Variants in ADCY1 observed in about 807,000 individuals in gnomAD.
The protein encoded by ADCY1 is adenylate cyclase 1.
Under a neutral mutation model 105.4 loss-of-function variants are expected in ADCY1, and 28 were observed. The observed-to-expected ratio is 0.27, with a 90% confidence interval of 0.20 to 0.36. The LOEUF (loss-of-function observed/expected upper bound fraction) is 0.36. Among genes scored for constraint, ADCY1 ranks in the 10% least tolerant of loss-of-function variants. ADCY1 has a pLI of 1.00. For missense variants in ADCY1, 977 were observed against 1,434.2 expected (o/e 0.68, Z 5.15); for synonymous variants, 655 against 623.8 (o/e 1.05, Z -0.75).
rs989322875 is a variant in ADCY1, at chr7:45,677,850, A to T, written c.1606-19A>T. On this transcript the variant is annotated intron_variant, in intron 8 of 19. Coordinates refer to ENST00000297323, the MANE Select transcript of ADCY1 (RefSeq NM_021116.4). ...GTGGAGAATTTGATGATACTCCTTT[A>T]TTTCCATGATGGCTCCAGCGGAGGG... The T allele has an allele frequency of 8.1e-6, 13 of 1,608,438 alleles. 1 individual carries two copies. The East Asian group carries it at 2.9e-4, about 36-fold the overall frequency.
chr7:45,599,575 G>A (rs1445145979), intron 2 of ADCY1, among the ~76,000 whole-genome samples: 3 of 151,392 alleles, frequency 2.0e-5, no homozygotes, highest in African/African-American at 7.3e-5. Flanking sequence ...GAGGCTCTGC[G>A]GCATGTCCTC....
At position 45,713,941 on chromosome 7, in the gene ADCY1, T is replaced by G. The variant is rs1785315084; in HGVS notation, c.3306T>G (p.Pro1102=). 1.3e-6 allele frequency: 1 copy of G among 780,410 alleles called. No homozygotes were observed. The highest frequency in any genetic ancestry group is 1.7e-5 in the Admixed American group (1 of 59,040). 48.3% of individuals were successfully genotyped at this position (780,410 alleles called of 1,614,324 possible). A position where few individuals can be genotyped will look rare whatever the true frequency, so the allele number is the denominator to read the frequency against. ...GCGTCTCAGTCAGGGCTGGGCTCCC[T>G]CCACACTCCCCAGGCCAGTACCTGC... ...MPGVSVRAGL[P]PHSPGQYLPS... is the part of the protein sequence containing the mutation. Residue 1102 remains proline (P), a synonymous_variant, in exon 20 of 20, where the codon CCT becomes CCG. Transcript: ENST00000297323.
intron 8 of ADCY1, chr7:45,664,281 TC>T: frequency 5.2e-6 from 8 of 1,536,062 alleles, no homozygotes; most frequent in Non-Finnish European, 7.0e-6. Context: ...CTGATGCCTC[TC>T]CTGTAGGTTC....
At chr7:45,616,190 C>T (rs1793732827) in intron 3 of ADCY1, among the ~76,000 whole-genome samples, 1 of 152,172 alleles carries the variant, frequency 6.6e-6, no homozygotes, top group African/African-American at 2.4e-5. Context: ...AATCAGTTAT[C>T]AAAACCCAAC....
chr7:45,687,679 C>G (rs1481036212), intron 14 of ADCY1, among the ~76,000 whole-genome samples: 2 of 152,220 alleles, frequency 1.3e-5, no homozygotes, highest in Admixed American at 6.5e-5. Context: ...TATTTGATCT[C>G]ATTCAGTCTT....
chr7:45,699,138 C>T (rs1396309879), intron 14 of ADCY1, among the ~76,000 whole-genome samples: 3 of 152,184 alleles, frequency 2.0e-5, no homozygotes, highest in Non-Finnish European at 4.4e-5. Flanking sequence ...TGGGCTCAGC[C>T]TGGACATCCA....
intron 3 of ADCY1, among the ~76,000 whole-genome samples, chr7:45,615,486 C>T (rs2115893381): frequency 6.6e-6 from 1 of 152,252 alleles, no homozygotes; most frequent in South Asian, 2.1e-4. Flanking sequence ...GTAGTCTCAG[C>T]TACTCAGGAG....
Position 45,677,949 on chromosome 7 carries a change from C to G in ADCY1, c.1686C>G (p.Gly562=). The G allele has an allele frequency of 6.2e-7, 1 of 1,614,224 alleles. No homozygotes were observed. Among genetic ancestry groups the G allele is most frequent in the Non-Finnish European group, 8.5e-7 (1 of 1,180,046 alleles). The stretch of plus-strand genomic sequence containing the variant: ...CCAACGTTGTCTACACCACCCCGGG[C>G]ACTCGCGTCAACAGGTACATCAGCC... ...FSTNVVYTTP[G]TRVNRYISRL... Residue 562 remains glycine (G), a synonymous_variant, in exon 9 of 20, where the codon GGC becomes GGG. Coordinates refer to ENST00000297323, the MANE Select transcript of ADCY1 (RefSeq NM_021116.4).
At chr7:45,693,412 C>G (rs543377550) in intron 14 of ADCY1, among the ~76,000 whole-genome samples, 39 of 143,586 alleles carry the variant, frequency 2.7e-4, no homozygotes, top group African/African-American at 2.3e-4. Flanking sequence ...AGGAATGGTA[C>G]CAGCTCCTCC....
chr7:45,693,448 T>C (rs1378546923), intron 14 of ADCY1, among the ~76,000 whole-genome samples: 40 of 144,854 alleles, frequency 2.8e-4, no homozygotes, highest in Non-Finnish European at 4.7e-4. Context: ...AATTCGGCTG[T>C]GAATCCATCT....
At chr7:45,665,736 G>C (rs1784231646) in intron 8 of ADCY1, among the ~76,000 whole-genome samples, 1 of 152,178 alleles carries the variant, frequency 6.6e-6, no homozygotes, top group Non-Finnish European at 1.5e-5. Flanking sequence ...ACAGACTTTA[G>C]AAATCTTGGA....
At position 45,703,838 on chromosome 7, in the gene ADCY1, T is replaced by C; in HGVS notation, c.2718+92T>C. The stretch of plus-strand genomic sequence containing the variant: ...GCGTGTCTCACAATATGTCACATTC[T>C]TCGTAGCTGGAATGAGAGAAAGCAA... On this transcript the variant is annotated intron_variant, in intron 16 of 19. Coordinates refer to ENST00000297323, the MANE Select transcript of ADCY1 (RefSeq NM_021116.4). The surrounding 1 kb of genome is among the most constrained non-coding windows in gnomAD (Gnocchi z 5.9). 1 of 1,463,342 alleles carries C rather than the reference T, an allele frequency of 6.8e-7. No homozygotes were observed. Among genetic ancestry groups the C allele is most frequent in the South Asian group, 1.4e-5 (1 of 70,026 alleles). The allele number at this position is 1,463,342 out of a possible 1,614,324, so 90.6% of individuals were successfully genotyped here.
intron 6 of ADCY1, 35 bp from the exon 7 acceptor site, chr7:45,660,007 C>T (rs1454948683): frequency 1.2e-6 from 2 of 1,612,736 alleles, no homozygotes; most frequent in South Asian, 2.2e-5. Flanking sequence ...GCAGTGGTTC[C>T]CCACTCATCT....
intron 1 of ADCY1, among the ~76,000 whole-genome samples, chr7:45,586,185 A>T (rs1792717847): frequency 6.6e-6 from 1 of 151,816 alleles, no homozygotes; most frequent in Non-Finnish European, 1.5e-5. Flanking sequence ...ACCTGGGAGG[A>T]GAGGCTGGGC....
chr7:45,590,554 T>C lies in ADCY1; in HGVS notation c.640-2205T>C, dbSNP rs144376415. 1.6e-3 allele frequency among the ~76,000 whole-genome samples: 250 copies of C among 152,226 alleles called. 2 individuals carry two copies. Among genetic ancestry groups the C allele is most frequent in the African/African-American group, 5.8e-3 (243 of 41,550 alleles). On this transcript the variant is annotated intron_variant, in intron 1 of 19. Transcript: ENST00000297323. ...CATGGTGTTTGGTGATTCTGAGCGC[T>C]GAACACACCCTAACATGCTCTGCGT... is the stretch of plus-strand genomic sequence containing the variant.
intron 5 of ADCY1, among the ~76,000 whole-genome samples, chr7:45,652,171 A>G (rs1409555757): frequency 1.3e-5 from 2 of 152,194 alleles, no homozygotes; most frequent in Non-Finnish European, 2.9e-5. Flanking sequence ...TTCACTCACT[A>G]TCATGAGAAA....
rs755274851 is a variant in ADCY1, at chr7:45,686,125, G to A, written c.2237G>A (p.Arg746Gln). The change falls in exon 13 of 20, where the codon CGG becomes CAG. Residue 746 changes from arginine (R) to glutamine (Q), a missense_variant. Around this residue, in one of 7 missense-constraint regions of ADCY1, gnomAD observed 275 missense variants for 362.1 expected, o/e 0.76. Coordinates refer to ENST00000297323, the MANE Select transcript of ADCY1 (RefSeq NM_021116.4). The surrounding 1 kb of genome is among the most constrained non-coding windows in gnomAD (Gnocchi z 4.3). ...ACCCTCCCGCTAGCCATATTTTTCC[G>A]GGTGTCCTCCTTGCCAAAAATGATC... ...VGTLPLAIFF[R>Q]VSSLPKMILL... The A allele has an allele frequency of 6.2e-6, 10 of 1,614,114 alleles. No homozygotes were observed. The highest frequency in any genetic ancestry group is 1.6e-4 in the Middle Eastern group (1 of 6,062).
At chr7:45,664,039 C>A (rs1049847980) in intron 8 of ADCY1, among the ~76,000 whole-genome samples, 3 of 152,000 alleles carry the variant, frequency 2.0e-5, no homozygotes. Context: ...GGGATTGTGG[C>A]CAACTGACCT....
chr7:45,685,091 A>G, intron 12 of ADCY1, 23 bp downstream of exon 12: 1 of 1,604,916 alleles, frequency 6.2e-7, no homozygotes, highest in Non-Finnish European at 8.5e-7. Flanking sequence ...AGCTTGTGGC[A>G]TGCGCTGGGG....
Sources: gnomAD v4.1 joint callset for allele counts (sites outside exome capture counted in the v4.1 genomes callset) on GRCh38, gnomAD v4.1.1 for gene constraint, gnomAD v4.1.1 regional missense constraint, Gnocchi (gnomAD v3.1) non-coding constraint, MANE v1.5 for transcripts, NCBI Gene and HGNC (gene_info 2026-07-23, HGNC 2026-07-21) for gene names.